TNFSF11: variants seen among roughly 807,000 people sequenced by gnomAD.
TNFSF11 encodes tumor necrosis factor ligand superfamily member 11.
TNFSF11 carries 12 observed loss-of-function variants against 32.2 expected under a neutral mutation model. That is an observed-to-expected ratio of 0.37 (90% CI 0.24 to 0.60). The LOEUF is 0.60. Among genes scored for constraint, TNFSF11 ranks in the 20% least tolerant of loss-of-function variants. TNFSF11 has a pLI of 0.66. For synonymous variants in TNFSF11, 172 were observed against 152.1 expected, an observed-to-expected ratio of 1.13 and a Z score of -0.96; for missense variants, 345 against 398.0, an observed-to-expected ratio of 0.87 and a Z score of 1.13.
intron 2 of TNFSF11, among the ~76,000 whole-genome samples, chr13:42,567,309 T>G (rs1872904925): frequency 6.6e-6 from 1 of 152,236 alleles, no homozygotes; most frequent in Non-Finnish European, 1.5e-5. Flanking sequence ...TGAGATAATA[T>G]TAATGAATTA....
At chr13:42,589,465 TC>T (rs1295191540) in intron 2 of TNFSF11, among the ~76,000 whole-genome samples, 1 of 152,110 alleles carries the variant, frequency 6.6e-6, no homozygotes, top group African/African-American at 2.4e-5. Context: ...TCTGAACAGG[TC>T]ATTTCTTTTC....
upstream of TNFSF11, among the ~76,000 whole-genome samples, chr13:42,573,282 G>A (rs529562209): frequency 3.3e-5 from 5 of 151,982 alleles, no homozygotes; most frequent in South Asian, 8.3e-4. Context: ...TTTCATGGGT[G>A]TTTAAATTGG....
At chr13:42,594,069 A>T (rs1018172248) in intron 2 of TNFSF11, among the ~76,000 whole-genome samples, 1 of 151,878 alleles carries the variant, frequency 6.6e-6, no homozygotes, top group African/African-American at 2.4e-5. Context: ...AAATCTATTT[A>T]TTATTATTAT....
intron 2 of TNFSF11, among the ~76,000 whole-genome samples, chr13:42,582,212 A>G (rs1262852653): frequency 6.6e-6 from 1 of 152,224 alleles, no homozygotes; most frequent in Non-Finnish European, 1.5e-5. Flanking sequence ...AAAAATCCAC[A>G]TATAGTAATA....
rs900706248 is a variant in TNFSF11 at position 42,606,897 on chromosome 13, T to C, written c.933T>C (p.Phe311=). The C allele has an allele frequency of 1.2e-6, 2 of 1,614,192 alleles. No individual in the cohort carries two copies. The highest frequency in any genetic ancestry group is 8.5e-7 in the Non-Finnish European group (1 of 1,180,034). ...AGGATGCAACATACTTTGGGGCTTT[T>C]AAAGTTCGAGATATAGATTGAGCCC... ...PDQDATYFGA[F]KVRDID is the part of the protein sequence containing the mutation. Residue 311 remains phenylalanine (F), a synonymous_variant, in exon 5 of 5, where the codon TTT becomes TTC. Transcript: ENST00000398795.
intron 1 of TNFSF11, among the ~76,000 whole-genome samples, chr13:42,578,070 C>G (rs932643953): frequency 1.3e-5 from 2 of 152,218 alleles, no homozygotes; most frequent in African/African-American, 4.8e-5. Flanking sequence ...CCACCTTATT[C>G]ATAGCATCTA....
chr13:42,605,957 A>C (rs1410411462), intron 4 of TNFSF11, among the ~76,000 whole-genome samples: 2 of 152,046 alleles, frequency 1.3e-5, no homozygotes, highest in African/African-American at 4.8e-5. Flanking sequence ...GAGACTTGTG[A>C]CATGTGGAAA....
intron 2 of TNFSF11, among the ~76,000 whole-genome samples, chr13:42,593,553 A>G (rs1868621928): frequency 1.3e-5 from 2 of 152,158 alleles, no homozygotes; most frequent in Admixed American, 1.3e-4. Flanking sequence ...AGCTATTTAC[A>G]AGGTGGAAAT....
intron 2 of TNFSF11, among the ~76,000 whole-genome samples, chr13:42,592,190 T>C (rs1031113654): frequency 6.6e-6 from 1 of 152,190 alleles, no homozygotes; most frequent in Admixed American, 6.5e-5. Context: ...ATACTAACTA[T>C]TGGGAGGTAA....
At position 42,590,495 on chromosome 13, in the gene TNFSF11, G is replaced by A. The variant is rs541202593; in HGVS notation, c.387+9202G>A. 1.1e-4 allele frequency among the ~76,000 whole-genome samples: 17 copies of A among 152,246 alleles called. 1 individual carries two copies. The highest frequency in any genetic ancestry group is 8.3e-4 in the South Asian group (4 of 4,814). ...GCCTGGTATCTCTGACCCCCTTTGC[G>A]TCTCATTCTTAGGGAGAAGTCTGTG... On this transcript the variant is annotated intron_variant, in intron 2 of 4. Transcript: ENST00000398795.
chr13:42,569,347 G>C (rs967456799), upstream of TNFSF11, among the ~76,000 whole-genome samples: 1 of 152,014 alleles, frequency 6.6e-6, no homozygotes, highest in Non-Finnish European at 1.5e-5. Flanking sequence ...GGGAGATCGA[G>C]ACCATCCTGG....
chr13:42,575,357 T>G (rs1873259625), intron 1 of TNFSF11, among the ~76,000 whole-genome samples: 1 of 152,218 alleles, frequency 6.6e-6, no homozygotes, highest in Admixed American at 6.5e-5. Context: ...TATTATGCTT[T>G]CTGGTGGTTT....
intron 2 of TNFSF11, among the ~76,000 whole-genome samples, chr13:42,581,530 A>G (rs1198707967): frequency 6.6e-6 from 1 of 152,172 alleles, no homozygotes; most frequent in East Asian, 1.9e-4. Context: ...TTTCTTTTAA[A>G]GAGGAGGGAT....
chr13:42,587,244 A>G (rs970709641), intron 2 of TNFSF11, among the ~76,000 whole-genome samples: 5 of 152,234 alleles, frequency 3.3e-5, no homozygotes, highest in African/African-American at 4.8e-5. Context: ...TTCCAGTAGC[A>G]TCATATCGGC....
intron 2 of TNFSF11, among the ~76,000 whole-genome samples, chr13:42,588,415 C>G (rs2137881791): frequency 6.6e-6 from 1 of 152,340 alleles, no homozygotes; most frequent in South Asian, 2.1e-4. Context: ...TTCTGCATGA[C>G]ATCTTTAAAG....
chr13:42,579,479 C>T (rs1479741242), intron 1 of TNFSF11, among the ~76,000 whole-genome samples: 1 of 151,576 alleles, frequency 6.6e-6, no homozygotes, highest in Non-Finnish European at 1.5e-5. Flanking sequence ...TGCTGCTTCT[C>T]TTAGACAGCT....
intron 4 of TNFSF11, among the ~76,000 whole-genome samples, chr13:42,601,487 A>ATG (rs1869172207): frequency 6.6e-6 from 1 of 152,154 alleles, no homozygotes; most frequent in Non-Finnish European, 1.5e-5. Flanking sequence ...TCTCTGAGTA[A>ATG]ATGCTTAGCT....
chr13:42,579,419 A>AG (rs1395221857), intron 1 of TNFSF11, among the ~76,000 whole-genome samples: 2 of 150,930 alleles, frequency 1.3e-5, no homozygotes, highest in Admixed American at 1.3e-4. Context: ...TGTCTTCAAA[A>AG]AAAAAAAAAA....
At chr13:42,573,129 A>T (rs1873130349), upstream of TNFSF11, among the ~76,000 whole-genome samples, 2 of 152,058 alleles carry the variant, frequency 1.3e-5, no homozygotes, top group Admixed American at 1.3e-4. Flanking sequence ...CAAGAAAAAA[A>T]GTCTACAGAT....
Sources: gnomAD v4.1 joint callset for allele counts (sites outside exome capture counted in the v4.1 genomes callset) on GRCh38, gnomAD v4.1.1 for gene constraint, MANE v1.5 for transcripts, NCBI Gene and HGNC (gene_info 2026-07-23, HGNC 2026-07-21) for gene names.